The following GPR39 variants were observed in gnomAD, a reference collection of about 807,000 sequenced individuals.
GPR39 encodes the protein G protein-coupled receptor 39, also known as zinc sensing receptor.
GPR39 carries 23 observed loss-of-function variants against 18.4 expected under a neutral mutation model. That is an observed-to-expected ratio of 1.25 (90% CI 0.90 to 1.77). GPR39 has a LOEUF of 1.77. Ranked by LOEUF, GPR39 falls within the 40% of genes most tolerant of loss-of-function variation. The probability of loss-of-function intolerance (pLI) is 0.00; values close to 1 mark genes in which losing one functional copy is unlikely to be tolerated. For missense variants in GPR39, 647 were observed against 602.4 expected (o/e 1.07, Z -0.78); for synonymous variants, 280 against 257.9 (o/e 1.09, Z -0.82).
chr2:132,642,030 C>A (rs1391816134), intron 1 of GPR39, among the ~76,000 whole-genome samples: 1 of 152,168 alleles, frequency 6.6e-6, no homozygotes, highest in Non-Finnish European at 1.5e-5. Context: ...CTATTTTGAC[C>A]TCACCAGGTC....
intron 1 of GPR39, among the ~76,000 whole-genome samples, chr2:132,505,805 G>A (rs1002764038): frequency 6.6e-6 from 1 of 152,140 alleles, no homozygotes; most frequent in Non-Finnish European, 1.5e-5. Flanking sequence ...TCATCCATTG[G>A]TGGACACTTA....
chr2:132,484,138 T>C lies in GPR39; in HGVS notation c.856+66240T>C, dbSNP rs540788083. 3.9e-5 allele frequency among the ~76,000 whole-genome samples: 6 copies of C among 152,320 alleles called. No individual in the cohort carries two copies. In the South Asian group the frequency reaches 1.2e-3, roughly 32 times the overall value. On this transcript the variant is annotated intron_variant, in intron 1 of 1. Coordinates refer to ENST00000329321, the MANE Select transcript of GPR39 (RefSeq NM_001508.3). ...GTCTACTTTTTAGTGTAGTATCACCTTCACTCATGATCACTGATGTGTTGC... is the reference window on the plus strand; with the variant it reads ...GTCTACTTTTTAGTGTAGTATCACCCTCACTCATGATCACTGATGTGTTGC...
intron 1 of GPR39, among the ~76,000 whole-genome samples, chr2:132,418,224 G>C (rs897405446): frequency 6.6e-6 from 1 of 152,172 alleles, no homozygotes; most frequent in African/African-American, 2.4e-5. Flanking sequence ...AATAATACTA[G>C]AGAATATGAC....
At chr2:132,532,982 G>C (rs1029736468) in intron 1 of GPR39, among the ~76,000 whole-genome samples, 25 of 152,070 alleles carry the variant, frequency 1.6e-4, no homozygotes, top group African/African-American at 5.8e-4. Flanking sequence ...CGTAGTGTTG[G>C]AAGTTCTGGC....
Position 132,485,797 on chromosome 2 carries a change from C to T in GPR39, c.856+67899C>T, listed in dbSNP as rs139717058. Among the ~76,000 whole-genome samples the T allele has an allele frequency of 1.2e-3, 183 of 152,244 alleles. 1 individual carries two copies. Among genetic ancestry groups the T allele is most frequent in the African/African-American group, 4.1e-3 (170 of 41,532 alleles). On this transcript the variant is annotated intron_variant, in intron 1 of 1. Coordinates refer to ENST00000329321, the MANE Select transcript of GPR39 (RefSeq NM_001508.3). ...GAAATTTTGAACCCTCAAAGTCATC[C>T]GTGAACGTTGGGATTAACTTCCTTC... is the stretch of plus-strand genomic sequence containing the variant.
intron 1 of GPR39, among the ~76,000 whole-genome samples, chr2:132,553,741 C>T (rs1472048220): frequency 6.6e-6 from 1 of 152,076 alleles, no homozygotes; most frequent in Admixed American, 6.6e-5. Flanking sequence ...GCTCAGGTTC[C>T]CAGGCCTAGA....
chr2:132,604,152 C>T (rs903413631), intron 1 of GPR39, among the ~76,000 whole-genome samples: 9 of 152,108 alleles, frequency 5.9e-5, no homozygotes, highest in African/African-American at 2.2e-4. Context: ...ATGAGAAGGT[C>T]AGGTCTGGCT....
chr2:132,446,369 C>A (rs1212589085), intron 1 of GPR39, among the ~76,000 whole-genome samples: 2 of 152,178 alleles, frequency 1.3e-5, no homozygotes, highest in African/African-American at 2.4e-5. Flanking sequence ...CGCACATAAA[C>A]CAGATGTTGC....
At chr2:132,590,630 A>G (rs1004857905) in intron 1 of GPR39, among the ~76,000 whole-genome samples, 14 of 152,118 alleles carry the variant, frequency 9.2e-5, no homozygotes, top group African/African-American at 3.4e-4. Context: ...AGAGACTGTA[A>G]AAAGAGTCAC....
intron 1 of GPR39, among the ~76,000 whole-genome samples, chr2:132,609,515 G>A (rs915971167): frequency 3.3e-5 from 5 of 152,198 alleles, no homozygotes; most frequent in African/African-American, 1.2e-4. Flanking sequence ...TCCTAAGTCA[G>A]TGTTCTTAAT....
chr2:132,499,672 C>T (rs1678969722), intron 1 of GPR39, among the ~76,000 whole-genome samples: 1 of 152,108 alleles, frequency 6.6e-6, no homozygotes, highest in Admixed American at 6.5e-5. Flanking sequence ...GTCATTTTCA[C>T]AATATTGATT....
At chr2:132,569,980 C>A (rs1485138922) in intron 1 of GPR39, among the ~76,000 whole-genome samples, 2 of 152,114 alleles carry the variant, frequency 1.3e-5, no homozygotes, top group Non-Finnish European at 2.9e-5. Context: ...TGTAAATTGC[C>A]CAGTCTCGGG....
At chr2:132,546,642 C>T (rs1679953767) in intron 1 of GPR39, among the ~76,000 whole-genome samples, 1 of 151,876 alleles carries the variant, frequency 6.6e-6, no homozygotes, top group Admixed American at 6.6e-5. Flanking sequence ...CTTCCCTCCC[C>T]TCTTTCTGAT....
At chr2:132,528,155 G>A (rs1679546341) in intron 1 of GPR39, among the ~76,000 whole-genome samples, 2 of 152,122 alleles carry the variant, frequency 1.3e-5, no homozygotes, top group African/African-American at 4.8e-5. Flanking sequence ...CATGGCTAGT[G>A]AGTTTTCCCA....
intron 1 of GPR39, among the ~76,000 whole-genome samples, chr2:132,429,560 C>T (rs961568676): frequency 6.6e-6 from 1 of 152,180 alleles, no homozygotes; most frequent in East Asian, 1.9e-4. Context: ...ATGAGAGTCT[C>T]ATTTGGAAGA....
At chr2:132,608,181 G>T (rs1421670903) in intron 1 of GPR39, among the ~76,000 whole-genome samples, 7 of 152,210 alleles carry the variant, frequency 4.6e-5, no homozygotes, top group Non-Finnish European at 7.3e-5. Flanking sequence ...AACATTTGTT[G>T]TAATGACATC....
intron 1 of GPR39, among the ~76,000 whole-genome samples, chr2:132,469,575 G>T (rs1246716848): frequency 1.3e-5 from 2 of 152,158 alleles, no homozygotes; most frequent in South Asian, 4.1e-4. Flanking sequence ...GAGCGTGTGT[G>T]TGTAAACGAC....
chr2:132,513,320 G>A lies in GPR39; in HGVS notation c.856+95422G>A, dbSNP rs974517716. ...TCTACTAAAATACAAAAAATTAGCC[G>A]GGCGAGGTGGCGGGCGCCTGTAGTC... On this transcript the variant is annotated intron_variant, in intron 1 of 1. Transcript: ENST00000329321. Among the ~76,000 whole-genome samples, 5 of 152,192 alleles carry A rather than the reference G, an allele frequency of 3.3e-5. No homozygotes were observed. In the East Asian group the frequency reaches 9.7e-4, roughly 29 times the overall value.
intron 1 of GPR39, among the ~76,000 whole-genome samples, chr2:132,532,192 T>G (rs540210576): frequency 6.6e-6 from 1 of 152,312 alleles, no homozygotes; most frequent in South Asian, 2.1e-4. Context: ...AAATACAAAC[T>G]ACCATCAGAG....
Sources: gnomAD v4.1 joint callset for allele counts (sites outside exome capture counted in the v4.1 genomes callset) on GRCh38, gnomAD v4.1.1 for gene constraint, MANE v1.5 for transcripts, NCBI Gene and HGNC (gene_info 2026-07-23, HGNC 2026-07-21) for gene names.